NELL1: variants seen among roughly 807,000 people sequenced by gnomAD.
NELL1 encodes protein kinase C-binding protein NELL1.
A neutral mutation model predicts 107.4 loss-of-function variants in NELL1; 76 were observed. That is an observed-to-expected ratio of 0.71 (90% confidence interval 0.59 to 0.86). The LOEUF is 0.86. Among genes scored for constraint, NELL1 ranks in the 40% least tolerant of loss-of-function variants. The pLI, the probability that NELL1 is intolerant of heterozygous loss-of-function variation, is 0.00. For synonymous variants in NELL1, 353 were observed against 341.2 expected, an observed-to-expected ratio of 1.03 and a Z score of -0.38; for missense variants, 1,024 against 1,005.5, an observed-to-expected ratio of 1.02 and a Z score of -0.25.
chr11:20,869,617 G>A (rs1209452952), intron 4 of NELL1, among the ~76,000 whole-genome samples: 2 of 152,204 alleles, frequency 1.3e-5, no homozygotes, highest in East Asian at 1.9e-4. Flanking sequence ...TATATTTTGT[G>A]ACATGAGCTG....
At chr11:20,903,660 T>C (rs1398139150) in intron 5 of NELL1, among the ~76,000 whole-genome samples, 1 of 152,086 alleles carries the variant, frequency 6.6e-6, no homozygotes, top group Non-Finnish European at 1.5e-5. Flanking sequence ...CTTTTTAGAT[T>C]AGTTGTTCTC....
At chr11:20,908,656 A>G (rs1277224104) in intron 5 of NELL1, among the ~76,000 whole-genome samples, 1 of 152,196 alleles carries the variant, frequency 6.6e-6, no homozygotes, top group Non-Finnish European at 1.5e-5. Flanking sequence ...CATTCTGCAC[A>G]TGTATCCTGG....
At chr11:21,397,759 C>A (rs12288638) in intron 15 of NELL1, among the ~76,000 whole-genome samples, 1 of 151,480 alleles carries the variant, frequency 6.6e-6, no homozygotes, top group African/African-American at 2.4e-5. Context: ...GAAGATAAGG[C>A]CTCTGGGAAG....
chr11:20,951,138 G>C (rs140661009), intron 11 of NELL1, among the ~76,000 whole-genome samples: 2 of 152,258 alleles, frequency 1.3e-5, no homozygotes, highest in African/African-American at 4.8e-5. Flanking sequence ...CCAGAGAGTG[G>C]ATTTTGCTCA....
chr11:20,775,984 A>G (rs1249336825), intron 2 of NELL1, among the ~76,000 whole-genome samples: 4 of 152,170 alleles, frequency 2.6e-5, no homozygotes, highest in Non-Finnish European at 5.9e-5. Flanking sequence ...GTATTTGGTA[A>G]ACCTTTTTTT....
Position 21,172,922 on chromosome 11 carries a change from C to CTGTG in NELL1, c.1427-56394_1427-56391dup, listed in dbSNP as rs151155423. 9.4e-3 allele frequency among the ~76,000 whole-genome samples: 1,406 copies of CTGTG among 149,226 alleles called. 53 individuals are homozygous for CTGTG. Among genetic ancestry groups the CTGTG allele is most frequent in the African/African-American group, 0.032 (1,288 of 40,254 alleles). ...CACTCTTTGGCAGGTGTGTGTCTGTCTGTGTGTGTGTGTGTGTGTATGTGT... is the reference window on the plus strand; with the variant it reads ...CACTCTTTGGCAGGTGTGTGTCTGTCTGTGTGTGTGTGTGTGTGTGTGTATGTGT... On this transcript the variant is annotated intron_variant, in intron 13 of 19. Coordinates refer to ENST00000357134, the MANE Select transcript of NELL1 (RefSeq NM_006157.5).
intron 14 of NELL1, among the ~76,000 whole-genome samples, chr11:21,264,071 G>GGTGTGTGTGTGTGTGTGTGTGTGTGT (rs10525326): frequency 8.8e-4 from 123 of 139,520 alleles, no homozygotes; most frequent in African/African-American, 2.9e-3. Flanking sequence ...TCTACAATGG[G>GGTGTGTGTGTGTGTGTGTGTGTGTGT]GTGTGTGTGT....
chr11:21,415,903 C>T (rs1188292542), intron 15 of NELL1, among the ~76,000 whole-genome samples: 1 of 152,006 alleles, frequency 6.6e-6, no homozygotes, highest in Non-Finnish European at 1.5e-5. Flanking sequence ...TTTCCATAGT[C>T]CTTAAAATTC....
intron 14 of NELL1, among the ~76,000 whole-genome samples, chr11:21,232,962 C>T (rs1262091880): frequency 6.6e-6 from 1 of 152,176 alleles, no homozygotes; most frequent in Non-Finnish European, 1.5e-5. Context: ...AGAACTAAGT[C>T]TTTTTAAGTG....
At chr11:20,800,780 G>T (rs905223539) in intron 3 of NELL1, among the ~76,000 whole-genome samples, 21 of 152,218 alleles carry the variant, frequency 1.4e-4, no homozygotes, top group African/African-American at 5.1e-4. Context: ...GGAAAATGCA[G>T]CCTGCAGGGC....
chr11:20,960,078 A>G (rs1291338700), intron 11 of NELL1, among the ~76,000 whole-genome samples: 1 of 152,006 alleles, frequency 6.6e-6, no homozygotes, highest in Admixed American at 6.6e-5. Context: ...ATATTCATAT[A>G]TATTAATTTT....
At chr11:20,847,471 T>C (rs1848720269) in intron 3 of NELL1, 112 bp from the exon 4 acceptor site, 2 of 1,106,162 alleles carry the variant, frequency 1.8e-6, no homozygotes, top group East Asian at 5.3e-5. Flanking sequence ...CTTTGTGCCA[T>C]GTTTAGCTAA....
At chr11:21,053,232 T>C (rs1853538709) in intron 12 of NELL1, among the ~76,000 whole-genome samples, 1 of 152,130 alleles carries the variant, frequency 6.6e-6, no homozygotes, top group Non-Finnish European at 1.5e-5. Flanking sequence ...CAACCTGTCA[T>C]CTACATTAGG....
intron 12 of NELL1, among the ~76,000 whole-genome samples, chr11:21,057,276 T>C (rs1367209112): frequency 6.6e-6 from 1 of 152,078 alleles, no homozygotes; most frequent in Non-Finnish European, 1.5e-5. Context: ...TTAGATGCAT[T>C]TTTCATCTAT....
chr11:21,427,974 A>C lies in NELL1; in HGVS notation c.1645+57026A>C, dbSNP rs883432. ...CTGTGAGGGATGGCAGGTTTCACTG[A>C]TGAGTCTAACTTGGTTTGTGCTCTC... is the stretch of plus-strand genomic sequence containing the variant. On this transcript the variant is annotated intron_variant, in intron 15 of 19. Coordinates refer to ENST00000357134, the MANE Select transcript of NELL1 (RefSeq NM_006157.5). Among the ~76,000 whole-genome samples, 1,298 of 152,340 alleles carry C rather than the reference A, an allele frequency of 8.5e-3. 17 individuals are homozygous for C. The highest frequency in any genetic ancestry group is 0.028 in the African/African-American group (1,183 of 41,572).
At chr11:21,292,313 C>T (rs1849286662) in intron 14 of NELL1, among the ~76,000 whole-genome samples, 1 of 152,090 alleles carries the variant, frequency 6.6e-6, no homozygotes, top group South Asian at 2.1e-4. Flanking sequence ...AATCATGAGT[C>T]AACTCCTATT....
rs76385459 is a variant in NELL1 at position 21,084,130 on chromosome 11, G to T, written c.1301-29459G>T. 0.011 allele frequency among the ~76,000 whole-genome samples: 1,610 copies of T among 152,206 alleles called. 55 individuals carry two copies. The South Asian group carries it at 0.12, about 11-fold the overall frequency. ...TTCAGGCAGATGACATTGAAATATT[G>T]TAAGTAAGAGATGCTTTGTTTCCCT... On this transcript the variant is annotated intron_variant, in intron 12 of 19. Coordinates refer to ENST00000357134, the MANE Select transcript of NELL1 (RefSeq NM_006157.5).
At chr11:20,846,152 C>T (rs896063241) in intron 3 of NELL1, among the ~76,000 whole-genome samples, 13 of 152,062 alleles carry the variant, frequency 8.5e-5, no homozygotes, top group Non-Finnish European at 1.9e-4. Context: ...GTATAAATAA[C>T]CTCTTTTAGT....
chr11:21,336,397 A>G (rs911033658), intron 14 of NELL1, among the ~76,000 whole-genome samples: 2 of 151,954 alleles, frequency 1.3e-5, no homozygotes, highest in South Asian at 2.1e-4. Flanking sequence ...TGCCCAAGAC[A>G]AAGTCAACAA....
Sources: gnomAD v4.1 joint callset for allele counts (sites outside exome capture counted in the v4.1 genomes callset) on GRCh38, gnomAD v4.1.1 for gene constraint, MANE v1.5 for transcripts, NCBI Gene and HGNC (gene_info 2026-07-23, HGNC 2026-07-21) for gene names.